Variants in PCM1 observed in about 807,000 individuals in gnomAD.
PCM1 encodes pericentriolar material 1.
A neutral mutation model predicts 241.9 loss-of-function variants in PCM1; 157 were observed. The ratio of observed to expected loss-of-function variants is 0.65; its 90% CI spans 0.57 to 0.74. The LOEUF is 0.74. Among genes scored for constraint, PCM1 ranks in the 30% least tolerant of loss-of-function variants. The probability of loss-of-function intolerance (pLI) is 0.00; values close to 1 mark genes in which losing one functional copy is unlikely to be tolerated. For synonymous variants in PCM1, 1,085 were observed against 784.9 expected (o/e 1.38, Z -6.39); for missense variants, 3,478 against 2,360.1 (o/e 1.47, Z -9.81).
chr8:18,023,121 C>T (rs2093891161), intron 36 of PCM1, among the ~76,000 whole-genome samples: 1 of 152,158 alleles, frequency 6.6e-6, no homozygotes, highest in Non-Finnish European at 1.5e-5. Context: ...TTGCCCCTTT[C>T]TCTCAGTAAT....
chr8:18,017,196 C>G (rs2093308263), intron 36 of PCM1, among the ~76,000 whole-genome samples: 1 of 152,114 alleles, frequency 6.6e-6, no homozygotes, highest in African/African-American at 2.4e-5. Context: ...AAAAGATTGA[C>G]TAGTCCAAAA....
intron 6 of PCM1, among the ~76,000 whole-genome samples, chr8:17,946,017 C>T (rs1197329955): frequency 2.0e-5 from 3 of 152,016 alleles, no homozygotes; most frequent in Admixed American, 2.0e-4. Context: ...GTATACGTTT[C>T]GATGTATAAT....
At position 18,029,472 on chromosome 8, in the gene PCM1, C is replaced by T. The variant is rs923558866; in HGVS notation, c.*1810C>T. On this transcript the variant is annotated 3_prime_UTR_variant, in exon 39 of 39. Transcript: ENST00000325083. ...TAAAAACTGTTTTGGTACTCAAGCC[C>T]AGCCTTACATACTGTGTTTCTCTCT... 12 of 216,586 alleles carry T rather than the reference C, an allele frequency of 5.5e-5. No individual in the cohort carries two copies. The highest frequency in any genetic ancestry group is 2.5e-4 in the African/African-American group (11 of 44,464). The allele number at this position is 216,586 out of a possible 1,614,324, so 13.4% of individuals were successfully genotyped here.
At chr8:17,990,810 A>G (rs1199535140) in intron 27 of PCM1, among the ~76,000 whole-genome samples, 8 of 152,170 alleles carry the variant, frequency 5.3e-5, no homozygotes, top group Non-Finnish European at 1.5e-5. Flanking sequence ...GCCTTGCCCT[A>G]TCATTACATT....
chr8:17,991,510 A>G lies in PCM1; in HGVS notation c.4532-32A>G, dbSNP rs111576108. On this transcript the variant is annotated intron_variant, in intron 27 of 38. Coordinates refer to ENST00000325083, the MANE Select transcript of PCM1 (RefSeq NM_006197.4). Reference sequence around the variant, plus strand: ...AATATATGAAAAAGTTCACTTTTACATACTCAAAAAATATTTTTGTTCCAA... The same window carrying G: ...AATATATGAAAAAGTTCACTTTTACGTACTCAAAAAATATTTTTGTTCCAA... 1.6e-3 allele frequency: 2,543 copies of G among 1,541,926 alleles called. 3 individuals carry two copies. The highest frequency in any genetic ancestry group is 2.0e-3 in the Non-Finnish European group (2,292 of 1,139,498).
At chr8:17,940,936 C>T (rs185901653) in intron 6 of PCM1, among the ~76,000 whole-genome samples, 3 of 152,048 alleles carry the variant, frequency 2.0e-5, no homozygotes, top group Non-Finnish European at 2.9e-5. Context: ...TATATCTCTT[C>T]GGGTTTTGAG....
chr8:18,018,823 T>A (rs1386340059), intron 36 of PCM1, among the ~76,000 whole-genome samples: 51 of 132,974 alleles, frequency 3.8e-4, no homozygotes, highest in Admixed American at 2.4e-3. Context: ...AAAAAAAAAA[T>A]ATGTATATAT....
chr8:17,957,644 T>A lies in PCM1; in HGVS notation c.1909T>A (p.Ser637Thr), dbSNP rs765014892. The change falls in exon 13 of 39, where the codon TCA becomes ACA. Residue 637 changes from serine (S) to threonine (T), a missense_variant. By Grantham distance (58) the Ser-to-Thr change is moderately conservative. Coordinates refer to ENST00000325083, the MANE Select transcript of PCM1 (RefSeq NM_006197.4). ...AGAAGAGGAGGGAGTCAGTGGAGCT[T>A]CATTATCTAGTCACAGGAGCAGTCT... Reference protein sequence around the residue: ...EAEEEGVSGASLSSHRSSLVD... With the variant: ...EAEEEGVSGATLSSHRSSLVD... The A allele has an allele frequency of 2.5e-6, 4 of 1,595,946 alleles. No individual in the cohort carries two copies. The highest frequency in any genetic ancestry group is 3.4e-6 in the Non-Finnish European group (4 of 1,170,082).
intron 29 of PCM1, among the ~76,000 whole-genome samples, chr8:17,994,865 T>G (rs2086084312): frequency 6.6e-6 from 1 of 151,500 alleles, no homozygotes; most frequent in Admixed American, 6.6e-5. Context: ...CTTCTGCACA[T>G]TTTAAAATTA....
chr8:17,980,489 A>T, intron 23 of PCM1, 102 bp from the exon 24 acceptor site: 1 of 854,548 alleles, frequency 1.2e-6, no homozygotes, highest in Non-Finnish European at 1.8e-6. Context: ...CCTTCCTAGC[A>T]TTGTAAATTG....
chr8:17,966,928 A>C, intron 20 of PCM1, 52 bp from the exon 21 acceptor site: 1 of 1,459,598 alleles, frequency 6.9e-7, no homozygotes, highest in Non-Finnish European at 9.3e-7. Flanking sequence ...AATGTACTTT[A>C]TATATATGGC....
intron 23 of PCM1, among the ~76,000 whole-genome samples, chr8:17,976,496 T>C (rs1264986960): frequency 6.6e-6 from 1 of 152,082 alleles, no homozygotes. Flanking sequence ...GAGAGGTGAG[T>C]GGAAAACGTC....
intron 30 of PCM1, among the ~76,000 whole-genome samples, chr8:18,008,311 G>T (rs2091873660): frequency 6.6e-6 from 1 of 151,904 alleles, no homozygotes; most frequent in South Asian, 2.1e-4. Context: ...CTCCTTATGA[G>T]AATCTAATTC....
intron 6 of PCM1, among the ~76,000 whole-genome samples, chr8:17,942,408 C>T (rs927881318): frequency 1.3e-5 from 2 of 150,606 alleles, no homozygotes; most frequent in African/African-American, 4.9e-5. Flanking sequence ...TGTAGGTTGC[C>T]GTGAGCCACT....
intron 36 of PCM1, among the ~76,000 whole-genome samples, chr8:18,021,071 G>C (rs973357767): frequency 1.3e-5 from 2 of 152,160 alleles, no homozygotes; most frequent in African/African-American, 4.8e-5. Flanking sequence ...AATTGACCAA[G>C]ATCAAATCAC....
intron 32 of PCM1, 94 bp downstream of exon 32, chr8:18,010,762 CACGAGGTCAAGA>C: frequency 1.3e-6 from 1 of 793,120 alleles, no homozygotes; most frequent in Non-Finnish European, 2.0e-6. Flanking sequence ...GCGGGTGGAT[CACGAGGTCAAGA>C]TTTCCAGACC....
chr8:18,026,375 A>G lies in PCM1; in HGVS notation c.6049+717A>G, dbSNP rs190205527. 1.3e-3 allele frequency among the ~76,000 whole-genome samples: 198 copies of G among 147,240 alleles called. 1 individual carries two copies. Among genetic ancestry groups the G allele is most frequent in the African/African-American group, 4.7e-3 (189 of 39,884 alleles). On this transcript the variant is annotated intron_variant, in intron 38 of 38. Transcript: ENST00000325083. ...CAGGTTCGCGCCATTCTTCTGCCTC[A>G]GCCTCCCAAGTAGCTGGGACTACAG...
In PCM1 at chr8:17,939,696, A is replaced by G; in HGVS notation, c.618A>G (p.Val206=). Residue 206 remains valine, a synonymous_variant, in exon 6 of 39, where the codon GTA becomes GTG. Coordinates refer to ENST00000325083, the MANE Select transcript of PCM1 (RefSeq NM_006197.4). ...GEPAMESSQI[V]SRLVQIRDYI... ...AAAAAATATTTCCCCTGCAGATTGTAAGCAGGCTTGTTCAAATTCGCGATT... is the reference window on the plus strand; with the variant it reads ...AAAAAATATTTCCCCTGCAGATTGTGAGCAGGCTTGTTCAAATTCGCGATT... The G allele has an allele frequency of 6.6e-7, 1 of 1,523,368 alleles. No individual in the cohort carries two copies. Among genetic ancestry groups the G allele is most frequent in the Non-Finnish European group, 8.8e-7 (1 of 1,132,132 alleles). 94.4% of individuals were successfully genotyped at this position (1,523,368 alleles called of 1,614,324 possible). A position where few individuals can be genotyped will look rare whatever the true frequency, so the allele number is the denominator to read the frequency against.
chr8:17,940,598 G>A (rs1335370512), intron 6 of PCM1, among the ~76,000 whole-genome samples: 3 of 151,864 alleles, frequency 2.0e-5, no homozygotes, highest in Admixed American at 1.3e-4. Context: ...TCATTTTTTG[G>A]GCTCTATCCT....
Sources: allele counts gnomAD v4.1 joint callset (sites outside exome capture counted in the v4.1 genomes callset), GRCh38; gene constraint gnomAD v4.1.1; transcripts MANE v1.5; gene names NCBI Gene and HGNC (gene_info 2026-07-23, HGNC 2026-07-21).